The following NBEA variants were observed in gnomAD, a reference collection of about 807,000 sequenced individuals.
NBEA encodes the protein lysosomal-trafficking regulator 2.
Under a neutral mutation model 343.4 loss-of-function variants are expected in NBEA, and 44 were observed. The observed-to-expected ratio is 0.13, with a 90% confidence interval of 0.10 to 0.16. The LOEUF is 0.16. Among genes scored for constraint, NBEA ranks in the 10% least tolerant of loss-of-function variants. The probability of loss-of-function intolerance (pLI) is 1.00; values close to 1 mark genes in which losing one functional copy is unlikely to be tolerated. For synonymous variants in NBEA, 1,175 were observed against 1,238.7 expected (o/e 0.95, Z 1.08); for missense variants, 2,555 against 3,631.3 (o/e 0.70, Z 7.62).
Position 35,176,871 on chromosome 13 carries a change from C to T in NBEA, c.4555-125C>T, listed in dbSNP as rs1015479672. ...ATGCATTGTAATAGAGGATTATGATCAATAAATGTTAACTCAGAGAGGTGG... is the reference window on the plus strand; with the variant it reads ...ATGCATTGTAATAGAGGATTATGATTAATAAATGTTAACTCAGAGAGGTGG... On this transcript the variant is annotated intron_variant, in intron 27 of 58. Transcript: ENST00000379939. 18 of 615,312 alleles carry T rather than the reference C, an allele frequency of 2.9e-5. No individual in the cohort carries two copies. In the Middle Eastern group the frequency reaches 1.2e-3, roughly 41 times the overall value. The allele number at this position is 615,312 out of a possible 1,614,324, so 38.1% of individuals were successfully genotyped here.
chr13:35,000,011 AT>A (rs1270638403), intron 1 of NBEA, among the ~76,000 whole-genome samples: 2 of 152,124 alleles, frequency 1.3e-5, no homozygotes, highest in Non-Finnish European at 2.9e-5. Context: ...ATGTATTTAG[AT>A]TATCAACAGA....
chr13:35,581,718 C>A (rs1260285298), intron 45 of NBEA, among the ~76,000 whole-genome samples: 1 of 112,404 alleles, frequency 8.9e-6, no homozygotes, highest in Non-Finnish European at 1.7e-5. Context: ...GAACATCACA[C>A]TCTGGGGACT....
chr13:35,550,659 A>G lies in NBEA; in HGVS notation c.6703+65A>G, dbSNP rs2079275893. 7.0e-6 allele frequency: 7 copies of G among 994,642 alleles called. No individual in the cohort carries two copies. In the East Asian group the frequency reaches 1.8e-4, roughly 25 times the overall value. The allele number at this position is 994,642 out of a possible 1,614,324, so 61.6% of individuals were successfully genotyped here. Reference sequence around the variant, plus strand: ...TTTACATATTATTCATTTACATGGTATGATAATGTCTTGATTTTTCCTACT... The same window carrying G: ...TTTACATATTATTCATTTACATGGTGTGATAATGTCTTGATTTTTCCTACT... On this transcript the variant is annotated intron_variant, in intron 42 of 58. Coordinates refer to ENST00000379939, the MANE Select transcript of NBEA (RefSeq NM_001385012.1).
rs949635885 is a variant in NBEA, at chr13:35,648,180, CT to C, written c.7771-1448del. ...TGCCTGCCTGGTGTGTGTTTAAACT[CT>C]TTTTTTTTTTTTTTTTTTTTTTTTT... is the stretch of plus-strand genomic sequence containing the variant. On this transcript the variant is annotated intron_variant, in intron 51 of 58. Coordinates refer to ENST00000379939, the MANE Select transcript of NBEA (RefSeq NM_001385012.1). 7.7e-3 allele frequency among the ~76,000 whole-genome samples: 806 copies of C among 104,176 alleles called. 4 individuals are homozygous for C. The highest frequency in any genetic ancestry group is 0.025 in the African/African-American group (657 of 26,572). 68.3% of individuals were successfully genotyped at this position (104,176 alleles called of 152,430 possible).
At chr13:35,604,117 G>A (rs916291674) in intron 47 of NBEA, among the ~76,000 whole-genome samples, 4 of 152,070 alleles carry the variant, frequency 2.6e-5, no homozygotes, top group African/African-American at 9.7e-5. Flanking sequence ...TGCCCAGCCT[G>A]GAAATCAAAC....
At chr13:35,086,853 T>C (rs558640619) in intron 10 of NBEA, among the ~76,000 whole-genome samples, 6 of 152,024 alleles carry the variant, frequency 3.9e-5, no homozygotes, top group Non-Finnish European at 7.4e-5. Flanking sequence ...CTGGGGTAAG[T>C]TGATGCCTCA....
At chr13:35,407,757 C>G (rs931417987) in intron 38 of NBEA, among the ~76,000 whole-genome samples, 3 of 152,126 alleles carry the variant, frequency 2.0e-5, no homozygotes, top group Admixed American at 1.3e-4. Flanking sequence ...AACTCCCATT[C>G]ACAATTGCCA....
chr13:35,229,276 CCTT>C (rs1272025712), intron 33 of NBEA, among the ~76,000 whole-genome samples: 1 of 152,116 alleles, frequency 6.6e-6, no homozygotes, highest in Non-Finnish European at 1.5e-5. Flanking sequence ...AAGCCATTCT[CCTT>C]CTTCAGTCTT....
intron 11 of NBEA, among the ~76,000 whole-genome samples, chr13:35,103,840 A>G (rs1382936145): frequency 6.6e-6 from 1 of 151,844 alleles, no homozygotes; most frequent in Non-Finnish European, 1.5e-5. Context: ...TCCAGAATCA[A>G]TTACTACTTC....
At chr13:35,561,135 C>T (rs1239621568) in intron 44 of NBEA, among the ~76,000 whole-genome samples, 2 of 152,180 alleles carry the variant, frequency 1.3e-5, no homozygotes, top group Admixed American at 6.5e-5. Flanking sequence ...GTCAGTATCA[C>T]ACATGATGAC....
intron 53 of NBEA, among the ~76,000 whole-genome samples, chr13:35,652,457 G>C (rs1002117600): frequency 1.3e-5 from 2 of 151,146 alleles, no homozygotes; most frequent in Non-Finnish European, 2.9e-5. Flanking sequence ...TGGCTAACAC[G>C]GTGAAACCCC....
intron 48 of NBEA, among the ~76,000 whole-genome samples, chr13:35,612,944 T>G (rs1420741670): frequency 6.6e-6 from 1 of 151,998 alleles, no homozygotes; most frequent in Non-Finnish European, 1.5e-5. Context: ...TAATTGACAA[T>G]TAATAATTGT....
At chr13:35,180,105 A>G (rs1437646612) in intron 28 of NBEA, among the ~76,000 whole-genome samples, 3 of 151,746 alleles carry the variant, frequency 2.0e-5, no homozygotes, top group East Asian at 1.9e-4. Context: ...GCAAATGCAC[A>G]TAAATTATGA....
At chr13:35,082,992 C>T (rs2064507195) in intron 10 of NBEA, among the ~76,000 whole-genome samples, 3 of 152,112 alleles carry the variant, frequency 2.0e-5, no homozygotes, top group Admixed American at 6.6e-5. Context: ...AAGTCCTTGC[C>T]CATGCCTCTG....
chr13:35,561,246 A>G (rs1171394166), intron 44 of NBEA, among the ~76,000 whole-genome samples: 2 of 152,178 alleles, frequency 1.3e-5, no homozygotes, highest in African/African-American at 4.8e-5. Flanking sequence ...GTTACTTAAT[A>G]TTTATTTTTG....
intron 38 of NBEA, among the ~76,000 whole-genome samples, chr13:35,398,549 A>G (rs958381315): frequency 2.0e-5 from 3 of 152,146 alleles, no homozygotes; most frequent in Admixed American, 2.0e-4. Context: ...GCATGAAAAC[A>G]ATATTCATCT....
intron 39 of NBEA, among the ~76,000 whole-genome samples, chr13:35,444,520 A>C (rs576889818): frequency 6.6e-6 from 1 of 152,230 alleles, no homozygotes; most frequent in South Asian, 2.1e-4. Flanking sequence ...AGCTAAAAAA[A>C]TATTGAGAAA....
chr13:35,004,168 C>T (rs1413391178), intron 1 of NBEA, among the ~76,000 whole-genome samples: 1 of 152,074 alleles, frequency 6.6e-6, no homozygotes, highest in Non-Finnish European at 1.5e-5. Flanking sequence ...TTTTCTTTAT[C>T]CAGTATATTA....
intron 36 of NBEA, among the ~76,000 whole-genome samples, chr13:35,312,014 T>C (rs1213062969): frequency 6.6e-6 from 1 of 152,208 alleles, no homozygotes; most frequent in African/African-American, 2.4e-5. Flanking sequence ...GCTGTAAATA[T>C]ATAAGAACAA....
Sources: allele counts gnomAD v4.1 joint callset (sites outside exome capture counted in the v4.1 genomes callset), GRCh38; gene constraint gnomAD v4.1.1; transcripts MANE v1.5; gene names NCBI Gene and HGNC (gene_info 2026-07-23, HGNC 2026-07-21).